ARID2: variants seen among roughly 807,000 people sequenced by gnomAD.
ARID2 encodes the protein AT-rich interaction domain 2, also known as AT-rich interactive domain-containing protein 2.
In ARID2, 32 loss-of-function variants were observed where a neutral mutation model predicts 184.6. The observed-to-expected ratio is 0.17, with a 90% CI of 0.13 to 0.23. ARID2 has a LOEUF of 0.23. Ranked by LOEUF, ARID2 falls within the 10% of genes least tolerant of loss-of-function variation. The pLI is 1.00. For synonymous variants in ARID2, 836 were observed against 772.6 expected (o/e 1.08, Z -1.36); for missense variants, 1,696 against 2,197.6 (o/e 0.77, Z 4.56).
intron 3 of ARID2, among the ~76,000 whole-genome samples, chr12:45,804,628 A>G (rs930394813): frequency 2.0e-5 from 3 of 152,010 alleles, no homozygotes; most frequent in African/African-American, 7.2e-5. Context: ...TTACATAGCA[A>G]TGGAAATGTC....
intron 16 of ARID2, chr12:45,874,082 G>A (rs1003168323): frequency 2.0e-5 from 3 of 152,280 alleles, no homozygotes; most frequent in Non-Finnish European, 2.9e-5. Context: ...GGGAGGTTGA[G>A]GAAGGAGGAT....
chr12:45,896,259 G>A (rs537911615), intron 20 of ARID2, among the ~76,000 whole-genome samples: 55 of 152,268 alleles, frequency 3.6e-4, no homozygotes, highest in African/African-American at 1.3e-3. Flanking sequence ...GTATGAGAAG[G>A]GCAAGGATTC....
At chr12:45,835,698 G>A (rs887245442) in intron 6 of ARID2, among the ~76,000 whole-genome samples, 1 of 152,096 alleles carries the variant, frequency 6.6e-6, no homozygotes, top group Non-Finnish European at 1.5e-5. Flanking sequence ...TCAAGAGATT[G>A]AGACCATCCT....
intron 11 of ARID2, among the ~76,000 whole-genome samples, chr12:45,843,923 T>G (rs1164170132): frequency 2.0e-5 from 3 of 152,228 alleles, no homozygotes; most frequent in Non-Finnish European, 2.9e-5. Flanking sequence ...AGTATGTTAG[T>G]ATGTTAGTGT....
intron 3 of ARID2, among the ~76,000 whole-genome samples, chr12:45,795,592 CT>C (rs1942377713): frequency 1.3e-5 from 2 of 152,030 alleles, no homozygotes; most frequent in South Asian, 4.1e-4. Context: ...GCCACCACGC[CT>C]GGTTAATTTT....
chr12:45,828,491 A>G (rs1943046809), intron 6 of ARID2, among the ~76,000 whole-genome samples: 1 of 152,000 alleles, frequency 6.6e-6, no homozygotes, highest in Non-Finnish European at 1.5e-5. Context: ...AGGAGTGTTA[A>G]TTGCTAGGTC....
intron 15 of ARID2, among the ~76,000 whole-genome samples, chr12:45,857,787 C>T (rs1943675779): frequency 6.6e-6 from 1 of 151,878 alleles, no homozygotes. Context: ...TAATACAGAG[C>T]CTCGCTCTGT....
chr12:45,810,006 G>T (rs1942674922), intron 3 of ARID2, among the ~76,000 whole-genome samples: 1 of 152,136 alleles, frequency 6.6e-6, no homozygotes, highest in Non-Finnish European at 1.5e-5. Context: ...AAAGCAGAGG[G>T]TAGGTAGCTG....
intron 15 of ARID2, among the ~76,000 whole-genome samples, chr12:45,857,430 G>A (rs1280925263): frequency 6.6e-6 from 1 of 152,072 alleles, no homozygotes; most frequent in Non-Finnish European, 1.5e-5. Flanking sequence ...CAGATTTGTA[G>A]ACCAATAGCA....
At position 45,845,117 on chromosome 12, in the gene ARID2, A is replaced by T. The variant is rs536257162; in HGVS notation, c.1499-1739A>T. 3.3e-5 allele frequency among the ~76,000 whole-genome samples: 5 copies of T among 152,262 alleles called. No individual in the cohort carries two copies. The South Asian group carries it at 1.0e-3, about 32-fold the overall frequency. On this transcript the variant is annotated intron_variant, in intron 11 of 20. Coordinates refer to ENST00000334344, the MANE Select transcript of ARID2 (RefSeq NM_152641.4). ...AGTTTAAATTCCCATTTGTGATTTT[A>T]TTCCTCTTTCTACATTGTTTATAAA... is the stretch of plus-strand genomic sequence containing the variant.
At chr12:45,809,611 A>G (rs1942666383) in intron 3 of ARID2, among the ~76,000 whole-genome samples, 1 of 152,246 alleles carries the variant, frequency 6.6e-6, no homozygotes, top group Non-Finnish European at 1.5e-5. Flanking sequence ...TCAATGCTCA[A>G]GGATTATATC....
rs1362533296 is a variant in ARID2 at position 45,905,940 on chromosome 12, CTTTTTTT to C, written c.*867_*873del. ...GAACTGTGATTTTTTTTTCTTTTTT[CTTTTTTT>C]TTTTCTTTTTTTTTTTGTATTATAC... On this transcript the variant is annotated 3_prime_UTR_variant, in exon 21 of 21. Coordinates refer to ENST00000334344, the MANE Select transcript of ARID2 (RefSeq NM_152641.4). The C allele has an allele frequency of 5.6e-6, 1 of 177,312 alleles. No individual in the cohort carries two copies. Among genetic ancestry groups the C allele is most frequent in the East Asian group, 8.3e-5 (1 of 12,114 alleles). 11.0% of individuals were successfully genotyped at this position (177,312 alleles called of 1,614,324 possible).
intron 3 of ARID2, among the ~76,000 whole-genome samples, chr12:45,751,285 A>G (rs1941460972): frequency 6.6e-6 from 1 of 152,250 alleles, no homozygotes; most frequent in African/African-American, 2.4e-5. Context: ...ATGAACAAAC[A>G]GCAAGAGAGT....
chr12:45,783,988 T>G (rs1321632324), intron 3 of ARID2, among the ~76,000 whole-genome samples: 77 of 152,112 alleles, frequency 5.1e-4, no homozygotes, highest in Non-Finnish European at 4.4e-5. Flanking sequence ...TGCAAAAAAG[T>G]TTTTATTTAA....
At chr12:45,892,503 TATAAAC>T (rs1202142557) in intron 18 of ARID2, among the ~76,000 whole-genome samples, 2 of 147,332 alleles carry the variant, frequency 1.4e-5, no homozygotes, top group African/African-American at 5.1e-5. Context: ...TACACACACA[TATAAAC>T]ATACACTAGT....
chr12:45,864,446 A>G (rs1021430040), intron 16 of ARID2, among the ~76,000 whole-genome samples: 7 of 152,000 alleles, frequency 4.6e-5, no homozygotes, highest in African/African-American at 1.4e-4. Flanking sequence ...TCTGGTTGAT[A>G]AGTCTTAAAT....
chr12:45,809,070 A>ATT (rs1565604357), intron 3 of ARID2, among the ~76,000 whole-genome samples: 2 of 152,178 alleles, frequency 1.3e-5, no homozygotes, highest in Non-Finnish European at 2.9e-5. Flanking sequence ...CACCCTAAAA[A>ATT]ACACGTAAAT....
At chr12:45,757,099 G>T (rs1226818440) in intron 3 of ARID2, among the ~76,000 whole-genome samples, 1 of 152,124 alleles carries the variant, frequency 6.6e-6, no homozygotes, top group Non-Finnish European at 1.5e-5. Context: ...AGGAGTTTAA[G>T]CTCCTAATGA....
At chr12:45,740,668 T>C (rs1309778776) in intron 3 of ARID2, among the ~76,000 whole-genome samples, 1 of 152,176 alleles carries the variant, frequency 6.6e-6, no homozygotes, top group Admixed American at 6.5e-5. Flanking sequence ...ATGTAGACCT[T>C]AAATCAAATT....
Sources: allele counts gnomAD v4.1 joint callset (sites outside exome capture counted in the v4.1 genomes callset), GRCh38; gene constraint gnomAD v4.1.1; transcripts MANE v1.5; gene names NCBI Gene and HGNC (gene_info 2026-07-23, HGNC 2026-07-21).